The following PATZ1 variants were observed in gnomAD, a reference collection of about 807,000 sequenced individuals.
PATZ1 encodes the protein POZ-, AT hook-, and zinc finger-containing protein 1.
Under a neutral mutation model 46.2 loss-of-function variants are expected in PATZ1, and 9 were observed. That is an observed-to-expected ratio of 0.19 (90% CI 0.12 to 0.34). The LOEUF (loss-of-function observed/expected upper bound fraction) is 0.34, where lower values mean the gene tolerates loss of function less well. PATZ1 is among the 10% of genes least tolerant of loss of function. The pLI is 1.00. For synonymous variants in PATZ1, 426 were observed against 378.6 expected (o/e 1.13, Z -1.45); for missense variants, 632 against 923.0 (o/e 0.68, Z 4.08).
intron 2 of PATZ1, chr22:31,340,564 G>A (rs1403081105): frequency 4.4e-6 from 2 of 450,754 alleles, no homozygotes; most frequent in Non-Finnish European, 6.0e-6. Flanking sequence ...GGGGCCAGCA[G>A]GTCTGTGAGA....
chr22:31,341,111 C>A, intron 2 of PATZ1: 1 of 1,131,834 alleles, frequency 8.8e-7, no homozygotes, highest in Middle Eastern at 3.6e-4. Context: ...CAGGAAGGCA[C>A]CAACCTCCAA....
At position 31,344,514 on chromosome 22, in the gene PATZ1, G is replaced by A. The variant is rs200724745; in HGVS notation, c.1089C>T (p.Ile363=). The change falls in exon 1 of 5, where the codon ATC becomes ATT. Residue 363 remains isoleucine (I), a synonymous_variant. Coordinates refer to ENST00000266269, the MANE Select transcript of PATZ1 (RefSeq NM_014323.3). ...GGTTAAGATGATACACATCACGGAA[G>A]ATCTTGCCGCAGATCTCACAAGCCA... The part of the protein sequence containing the change: ...KQVACEICGK[I]FRDVYHLNRH... 1.2e-6 allele frequency: 2 copies of A among 1,614,144 alleles called. No individual in the cohort carries two copies. The highest frequency in any genetic ancestry group is 1.7e-6 in the Non-Finnish European group (2 of 1,180,048).
intron 2 of PATZ1, among the ~76,000 whole-genome samples, chr22:31,342,446 C>T (rs1381837790): frequency 1.3e-5 from 2 of 152,064 alleles, no homozygotes; most frequent in Admixed American, 6.5e-5. Flanking sequence ...CCAGGAGGAG[C>T]TCTAACTGAG....
intron 3 of PATZ1, among the ~76,000 whole-genome samples, chr22:31,329,446 G>A (rs984153687): frequency 6.6e-6 from 1 of 152,192 alleles, no homozygotes; most frequent in Non-Finnish European, 1.5e-5. Context: ...CAAGGATCCC[G>A]TCTTCTACCT....
chr22:31,342,521 C>T (rs1218084378), intron 2 of PATZ1, among the ~76,000 whole-genome samples: 1 of 152,124 alleles, frequency 6.6e-6, no homozygotes, highest in African/African-American at 2.4e-5. Flanking sequence ...CCTGCAGTCC[C>T]TACAAACTGC....
Position 31,328,839 on chromosome 22 carries a change from G to T in PATZ1, c.1593C>A (p.Pro531=). 6.2e-7 allele frequency: 1 copy of T among 1,613,626 alleles called. No individual in the cohort carries two copies. The highest frequency in any genetic ancestry group is 2.2e-5 in the East Asian group (1 of 44,866). Reference sequence around the variant, plus strand: ...GGAACGCTGCTCCCCCATTCAGGATGGGCTCCTGGTGCCTGGAGACCTGGG... The same window carrying T: ...GGAACGCTGCTCCCCCATTCAGGATTGGCTCCTGGTGCCTGGAGACCTGGG... ...PLPQVSRHQE[P]ILNGGAAFHC... The change falls in exon 4 of 5, where the codon CCC becomes CCA. Residue 531 remains proline, a synonymous_variant. Coordinates refer to ENST00000266269, the MANE Select transcript of PATZ1 (RefSeq NM_014323.3). This position sits in a 1 kb window ranked among gnomAD's most constrained non-coding sequence, Gnocchi z 4.8.
Position 31,335,744 on chromosome 22 carries a change from G to A in PATZ1, c.1455C>T (p.His485=). ...TGGGCCCCTCGCTGTGCTTCTTCAG[G>A]TGGTCTGCCATGTATGCTGCCCGCA... ...KYLRAAYMAD[H]LKKHSEGPSN... The change falls in exon 3 of 5, where the codon CAC becomes CAT. Residue 485 remains histidine (H), a synonymous_variant. Transcript: ENST00000266269. 6.2e-7 allele frequency: 1 copy of A among 1,614,162 alleles called. No homozygotes were observed. The highest frequency in any genetic ancestry group is 1.3e-5 in the African/African-American group (1 of 75,034).
Position 31,325,964 on chromosome 22 carries a change from T to C in PATZ1, c.*927A>G, listed in dbSNP as rs996525114. Reference sequence around the variant, plus strand: ...TCCCAACAGCATTGAAACCCCCTACTTCCCTGACCAGACTGGCATTTTTTA... The same window carrying C: ...TCCCAACAGCATTGAAACCCCCTACCTCCCTGACCAGACTGGCATTTTTTA... On this transcript the variant is annotated 3_prime_UTR_variant, in exon 5 of 5. Transcript: ENST00000266269. 1 of 213,612 alleles carries C rather than the reference T, an allele frequency of 4.7e-6. No homozygotes were observed. The highest frequency in any genetic ancestry group is 9.5e-6 in the Non-Finnish European group (1 of 105,446). 13.2% of individuals were successfully genotyped at this position (213,612 alleles called of 1,614,324 possible). A position where few individuals can be genotyped will look rare whatever the true frequency, so the allele number is the denominator to read the frequency against.
rs1177633015 is a variant in PATZ1 at position 31,327,012 on chromosome 22, G to C, written c.1943C>G (p.Ser648Cys). 4 of 1,614,104 alleles carry C rather than the reference G, an allele frequency of 2.5e-6. No individual in the cohort carries two copies. Among genetic ancestry groups the C allele is most frequent in the Non-Finnish European group, 3.4e-6 (4 of 1,180,040 alleles). ...GAGGAGAGACATGTTCTGCTGAGGA[G>C]AGAAAGGTGAGCCAAGGGCAGGGCC... ...DLGPALGSPF[S>C]PQQNMSLLES... Residue 648 changes from serine (S) to cysteine (C), a missense_variant, in exon 5 of 5, where the codon TCT (serine) becomes TGT (cysteine). Ser to Cys is a moderately radical substitution (Grantham distance 112, BLOSUM62 -1). Transcript: ENST00000266269. The surrounding 1 kb of genome is among the most constrained non-coding windows in gnomAD (Gnocchi z 4.2).
chr22:31,326,255 G>A lies in PATZ1; in HGVS notation c.*636C>T. Reference sequence around the variant, plus strand: ...ACGTAAGAACTGAAATTTGGGGTGGGGGTGTCCTCAACAGCTGAGCTTGTC... The same window carrying A: ...ACGTAAGAACTGAAATTTGGGGTGGAGGTGTCCTCAACAGCTGAGCTTGTC... On this transcript the variant is annotated 3_prime_UTR_variant, in exon 5 of 5. Transcript: ENST00000266269. 1 of 228,008 alleles carries A rather than the reference G, an allele frequency of 4.4e-6. No homozygotes were observed. Among genetic ancestry groups the A allele is most frequent in the Non-Finnish European group, 8.7e-6 (1 of 114,786 alleles). 14.1% of individuals were successfully genotyped at this position (228,008 alleles called of 1,614,324 possible).
In PATZ1 at chr22:31,335,672, G is replaced by A; in HGVS notation, c.1507+20C>T. ...GCTCAGGCCCATCCTCTGGAAGTGA[G>A]GAAACAGTGGGCAGATTACCTCGGT... is the stretch of plus-strand genomic sequence containing the variant. On this transcript the variant is annotated intron_variant, in intron 3 of 4. Coordinates refer to ENST00000266269, the MANE Select transcript of PATZ1 (RefSeq NM_014323.3). 6.2e-7 allele frequency: 1 copy of A among 1,610,666 alleles called. No individual in the cohort carries two copies. Among genetic ancestry groups the A allele is most frequent in the Non-Finnish European group, 8.5e-7 (1 of 1,177,310 alleles).
At position 31,326,815 on chromosome 22, in the gene PATZ1, C is replaced by T. The variant is rs1197537384; in HGVS notation, c.*76G>A. ...AAATCTCTCAGCTACAGAACCCAAA[C>T]ATCACTTCCCTCCGCATTCACAGCA... On this transcript the variant is annotated 3_prime_UTR_variant, in exon 5 of 5. Coordinates refer to ENST00000266269, the MANE Select transcript of PATZ1 (RefSeq NM_014323.3). The T allele has an allele frequency of 7.5e-6, 10 of 1,337,110 alleles. No individual in the cohort carries two copies. In the Middle Eastern group the frequency reaches 6.0e-4, roughly 81 times the overall value. The allele number at this position is 1,337,110 out of a possible 1,614,324, so 82.8% of individuals were successfully genotyped here.
rs530129265 is a variant in PATZ1 at position 31,339,156 on chromosome 22, G to C, written c.1336-3293C>G. On this transcript the variant is annotated intron_variant, in intron 2 of 4. Coordinates refer to ENST00000266269, the MANE Select transcript of PATZ1 (RefSeq NM_014323.3). ...GCTTATCCATTTGGGGATTAGCTAA[G>C]CAAAATTAAAATCCCAGACTGGGCT... is the stretch of plus-strand genomic sequence containing the variant. Among the ~76,000 whole-genome samples, 294 of 152,322 alleles carry C rather than the reference G, an allele frequency of 1.9e-3. 1 individual carries two copies. Among genetic ancestry groups the C allele is most frequent in the African/African-American group, 5.6e-3 (233 of 41,568 alleles).
chr22:31,327,396 G>A lies in PATZ1; in HGVS notation c.1646-87C>T. 8.8e-7 allele frequency: 1 copy of A among 1,132,328 alleles called. No homozygotes were observed. Among genetic ancestry groups the A allele is most frequent in the East Asian group, 2.4e-5 (1 of 42,174 alleles). 70.1% of individuals were successfully genotyped at this position (1,132,328 alleles called of 1,614,324 possible). On this transcript the variant is annotated intron_variant, in intron 4 of 4. Transcript: ENST00000266269. The surrounding 1 kb of genome is among the most constrained non-coding windows in gnomAD (Gnocchi z 4.2). ...AGGGGTCATGAGGGGCCAGCTCACA[G>A]ACCTGTGGAGGGCAGCCATTGGCCA... is the stretch of plus-strand genomic sequence containing the variant.
At chr22:31,342,422 T>A (rs1274163064) in intron 2 of PATZ1, among the ~76,000 whole-genome samples, 1 of 151,920 alleles carries the variant, frequency 6.6e-6, no homozygotes, top group Non-Finnish European at 1.5e-5. Context: ...CCTTGTGCCC[T>A]AAGCTGAGGG....
chr22:31,345,104 G>T lies in PATZ1; in HGVS notation c.499C>A (p.Pro167Thr), dbSNP rs756085184. The T allele has an allele frequency of 2.4e-5, 38 of 1,614,088 alleles. No individual in the cohort carries two copies. Among genetic ancestry groups the T allele is most frequent in the Non-Finnish European group, 3.0e-5 (35 of 1,180,042 alleles). ...KQSNVQILVP[P>T]ARADIMLFRP... The stretch of plus-strand genomic sequence containing the variant: ...AAGAGCATTATATCGGCGCGGGCAG[G>T]GGGTACCAGGATCTGTACGTTGGAC... The change falls in exon 1 of 5, where the codon CCT becomes ACT. Residue 167 changes from proline (P) to threonine (T), a missense_variant. Coordinates refer to ENST00000266269, the MANE Select transcript of PATZ1 (RefSeq NM_014323.3). This position sits in a 1 kb window ranked among gnomAD's most constrained non-coding sequence, Gnocchi z 7.4.
rs2049586833 is a variant in PATZ1, at chr22:31,341,820, CAG to C, written c.1335+1075_1335+1076del. On this transcript the variant is annotated intron_variant, in intron 2 of 4. Transcript: ENST00000266269. ...AGAATGTGCTCTGTGATGAGAGAAT[CAG>C]AGACAGAGAGAGAGAAGGCAGCAAG... The C allele has an allele frequency of 5.4e-6, 4 of 741,976 alleles. No individual in the cohort carries two copies. The East Asian group carries it at 1.1e-4, about 20-fold the overall frequency. The allele number at this position is 741,976 out of a possible 1,614,324, so 46.0% of individuals were successfully genotyped here.
intron 2 of PATZ1, chr22:31,341,303 T>G: frequency 6.9e-7 from 1 of 1,459,754 alleles, no homozygotes; most frequent in Non-Finnish European, 9.0e-7. Context: ...CTGGGCATGC[T>G]GGGCAGGAAC....
intron 2 of PATZ1, among the ~76,000 whole-genome samples, chr22:31,341,838 A>C (rs1264449662): frequency 2.0e-5 from 3 of 152,192 alleles, no homozygotes; most frequent in Non-Finnish European, 4.4e-5. Context: ...GAGAGAGAGA[A>C]GGCAGCAAGG....
Sources: gnomAD v4.1 joint callset for allele counts (sites outside exome capture counted in the v4.1 genomes callset) on GRCh38, gnomAD v4.1.1 for gene constraint, Gnocchi (gnomAD v3.1) non-coding constraint, MANE v1.5 for transcripts, NCBI Gene and HGNC (gene_info 2026-07-23, HGNC 2026-07-21) for gene names.